Variants in CDK4 observed in about 807,000 individuals in gnomAD.
CDK4 encodes the protein cyclin dependent kinase 4, also known as cyclin-dependent kinase 4.
A neutral mutation model predicts 36.7 loss-of-function variants in CDK4; 13 were observed. That is an observed-to-expected ratio of 0.35 (90% CI 0.23 to 0.56). The LOEUF (loss-of-function observed/expected upper bound fraction) is 0.56, where lower values mean the gene tolerates loss of function less well. CDK4 is among the 20% of genes least tolerant of loss of function. The probability of loss-of-function intolerance (pLI) is 0.85; values close to 1 mark genes in which losing one functional copy is unlikely to be tolerated. For synonymous variants in CDK4, 158 were observed against 146.4 expected (o/e 1.08, Z -0.57); for missense variants, 285 against 387.3 (o/e 0.74, Z 2.22).
chr12:57,748,894 C>T (rs566822380), intron 7 of CDK4: 14 of 543,276 alleles, frequency 2.6e-5, no homozygotes, highest in South Asian at 1.6e-4. Context: ...TTAGTAGAGA[C>T]GAGGTTTCAC....
At position 57,749,508 on chromosome 12, in the gene CDK4, A is replaced by G. The variant is rs2140384002; in HGVS notation, c.633-4T>C. 6.2e-7 allele frequency: 1 copy of G among 1,614,002 alleles called. No individual in the cohort carries two copies. The highest frequency in any genetic ancestry group is 1.3e-5 in the African/African-American group (1 of 75,056). ...AGAGTTTCCACAGAAGAGAGGCCTA[A>G]GGTGAGAAGGGATATAAGGTAGCAG... On this transcript the variant is annotated splice_polypyrimidine_tract_variant and splice_region_variant and intron_variant, in intron 5 of 7. Transcript: ENST00000257904.
At position 57,752,262 on chromosome 12, in the gene CDK4, C is replaced by G. The variant is rs1326338083; in HGVS notation, c.-107G>C. 1 of 206,656 alleles carries G rather than the reference C, an allele frequency of 4.8e-6. No homozygotes were observed. Among genetic ancestry groups the G allele is most frequent in the Non-Finnish European group, 1.0e-5 (1 of 99,946 alleles). The allele number at this position is 206,656 out of a possible 1,614,324, so 12.8% of individuals were successfully genotyped here. On this transcript the variant is annotated 5_prime_UTR_variant, in exon 1 of 8. Coordinates refer to ENST00000257904, the MANE Select transcript of CDK4 (RefSeq NM_000075.4). ...CGGCCCCATACACCCGAGCTCGGTC[C>G]GGAGCAGCTGGACGCAGAGGGCCCG...
rs1034639609 is a variant in CDK4 at position 57,748,038 on chromosome 12, C to T, written c.*487G>A. 16 of 251,484 alleles carry T rather than the reference C, an allele frequency of 6.4e-5. No individual in the cohort carries two copies. The highest frequency in any genetic ancestry group is 1.0e-4 in the Non-Finnish European group (13 of 128,600). The allele number at this position is 251,484 out of a possible 1,614,324, so 15.6% of individuals were successfully genotyped here. ...ATTATAGGCGTGAGCCACCACGCCC[C>T]GCCTAAAATCCATATTCAAAGAAGC... On this transcript the variant is annotated 3_prime_UTR_variant, in exon 8 of 8. Transcript: ENST00000257904.
At chr12:57,750,809 A>G (rs1218174864) in intron 4 of CDK4, 44 bp from the exon 5 acceptor site, 1 of 1,596,368 alleles carries the variant, frequency 6.3e-7, no homozygotes. Flanking sequence ...ATGGGTTACC[A>G]TGAAACACAA....
chr12:57,751,191 T>G lies in CDK4; in HGVS notation c.354+16A>C. 1 of 1,614,162 alleles carries G rather than the reference T, an allele frequency of 6.2e-7. No homozygotes were observed. The highest frequency in any genetic ancestry group is 8.5e-7 in the Non-Finnish European group (1 of 1,180,018). On this transcript the variant is annotated intron_variant, in intron 3 of 7. Coordinates refer to ENST00000257904, the MANE Select transcript of CDK4 (RefSeq NM_000075.4). This position sits in a 1 kb window ranked among gnomAD's most constrained non-coding sequence, Gnocchi z 4.5. Reference sequence around the variant, plus strand: ...AGGTCCCAATCCACCTCTCAATGCCTACCAACCCCACTCACCTTGATCGTT... The same window carrying G: ...AGGTCCCAATCCACCTCTCAATGCCGACCAACCCCACTCACCTTGATCGTT...
Position 57,751,352 on chromosome 12 carries a change from G to A in CDK4, c.219-10C>T, listed in dbSNP as rs759302811. ...ACAGACGTCCATCAGCCTGACCAGA[G>A]TAAATGCTCACTTTTCAATCCCCTT... On this transcript the variant is annotated splice_polypyrimidine_tract_variant and intron_variant, in intron 2 of 7. Transcript: ENST00000257904. This position sits in a 1 kb window ranked among gnomAD's most constrained non-coding sequence, Gnocchi z 4.5. The A allele has an allele frequency of 6.2e-7, 1 of 1,614,008 alleles. No homozygotes were observed. The highest frequency in any genetic ancestry group is 8.5e-7 in the Non-Finnish European group (1 of 1,180,036).
At chr12:57,749,342 T>G (rs2140383298) in intron 6 of CDK4, 25 bp from the exon 7 acceptor site, 1 of 1,614,114 alleles carries the variant, frequency 6.2e-7, no homozygotes, top group Non-Finnish European at 8.5e-7. Context: ...AGAACTCTGG[T>G]CAGGAGGGTC....
At chr12:57,752,069 C>G in intron 1 of CDK4, 106 bp downstream of exon 1, 2 of 378,172 alleles carry the variant, frequency 5.3e-6, no homozygotes, top group South Asian at 4.5e-5. Flanking sequence ...GGCCCCACTT[C>G]CCGCCCTTGA....
chr12:57,749,127 T>A, intron 7 of CDK4, 55 bp downstream of exon 7: 1 of 1,610,850 alleles, frequency 6.2e-7, no homozygotes, highest in Non-Finnish European at 8.5e-7. Context: ...CATACTGCTC[T>A]ATTTCTTTCC....
chr12:57,749,498 G>A lies in CDK4; in HGVS notation c.639C>T (p.Leu213=), dbSNP rs2140383965. The change falls in exon 6 of 8, where the codon CTC becomes CTT. Residue 213 remains leucine, a synonymous_variant. Coordinates refer to ENST00000257904, the MANE Select transcript of CDK4 (RefSeq NM_000075.4). ...GGTCGGCTTCAGAGTTTCCACAGAA[G>A]AGAGGCCTAAGGTGAGAAGGGATAT... ...IFAEMFRRKP[L]FCGNSEADQL... is the part of the protein sequence containing the mutation. 1 of 1,614,148 alleles carries A rather than the reference G, an allele frequency of 6.2e-7. No homozygotes were observed. Among genetic ancestry groups the A allele is most frequent in the Non-Finnish European group, 8.5e-7 (1 of 1,179,976 alleles).
rs544179588 is a variant in CDK4, at chr12:57,750,019, T to C, written c.633-515A>G. 7.1e-4 allele frequency: 122 copies of C among 172,618 alleles called. 1 individual carries two copies. In the South Asian group the frequency reaches 0.015, roughly 21 times the overall value. The allele number at this position is 172,618 out of a possible 1,614,324, so 10.7% of individuals were successfully genotyped here. ...TAAAAAAAAAAAAAGCCAGTCATGGTGGCGTGCACCTGTAGTCTCAGCTAC... is the reference window on the plus strand; with the variant it reads ...TAAAAAAAAAAAAAGCCAGTCATGGCGGCGTGCACCTGTAGTCTCAGCTAC... On this transcript the variant is annotated intron_variant, in intron 5 of 7. Transcript: ENST00000257904.
chr12:57,749,138 C>G lies in CDK4; in HGVS notation c.819+44G>C, dbSNP rs767251242. ...CCTGCATACTGCTCTATTTCTTTCC[C>G]CAGTCTCTATTTCTTTCCCTGTGCC... On this transcript the variant is annotated intron_variant, in intron 7 of 7. Coordinates refer to ENST00000257904, the MANE Select transcript of CDK4 (RefSeq NM_000075.4). 10 of 1,613,172 alleles carry G rather than the reference C, an allele frequency of 6.2e-6. No individual in the cohort carries two copies. In the African/African-American group the frequency reaches 9.3e-5, roughly 15 times the overall value.
rs1401188606 is a variant in CDK4 at position 57,751,767 on chromosome 12, C to T, written c.-19-31G>A. The T allele has an allele frequency of 1.9e-6, 3 of 1,561,702 alleles. No homozygotes were observed. In the South Asian group the frequency reaches 3.4e-5, roughly 17 times the overall value. ...ATCACAGACTCCTATCACCAAAAGT[C>T]GCTTACAGAGTTAGGATGGTATGAG... On this transcript the variant is annotated intron_variant, in intron 1 of 7. Coordinates refer to ENST00000257904, the MANE Select transcript of CDK4 (RefSeq NM_000075.4). This position sits in a 1 kb window ranked among gnomAD's most constrained non-coding sequence, Gnocchi z 4.5.
chr12:57,750,483 C>T, intron 5 of CDK4, 173 bp downstream of exon 5: 2 of 660,038 alleles, frequency 3.0e-6, no homozygotes, highest in East Asian at 2.9e-5. Context: ...GGGAGGATCA[C>T]TTGAGCCCAG....
chr12:57,749,740 T>C, intron 5 of CDK4: 1 of 567,026 alleles, frequency 1.8e-6, no homozygotes, highest in Non-Finnish European at 3.1e-6. Context: ...GGCTCACGCC[T>C]GTAATCCTAG....
chr12:57,749,659 G>A (rs1248513097), intron 5 of CDK4, 155 bp from the exon 6 acceptor site: 4 of 748,992 alleles, frequency 5.3e-6, no homozygotes, highest in Non-Finnish European at 9.5e-6. Context: ...TTGAGCCCAG[G>A]AGTTCTAGAT....
Position 57,749,294 on chromosome 12 carries a change from T to C in CDK4, c.707A>G (p.Asp236Gly), listed in dbSNP as rs1403703683. ...IFDLIGLPPE[D>G]DWPRDVSLPR... ...CAGGGATACATCTCGAGGCCAGTCA[T>C]CCTCTGGAGGCAGCCCAATCAGGCT... Residue 236 changes from aspartate (D) to glycine (G), a missense_variant, in exon 7 of 8, where the codon GAT (aspartate) becomes GGT (glycine). Transcript: ENST00000257904. 1 of 1,614,160 alleles carries C rather than the reference T, an allele frequency of 6.2e-7. No individual in the cohort carries two copies. The highest frequency in any genetic ancestry group is 2.2e-5 in the East Asian group (1 of 44,890).
intron 1 of CDK4, 30 bp downstream of exon 1, chr12:57,752,144 GT>G (rs1260548191): frequency 3.1e-6 from 1 of 322,358 alleles, no homozygotes; most frequent in African/African-American, 2.2e-5. Context: ...GCGGGCACTG[GT>G]TCTCATTCCT....
chr12:57,748,730 G>A (rs1195589759), intron 7 of CDK4, 113 bp from the exon 8 acceptor site: 5 of 748,292 alleles, frequency 6.7e-6, no homozygotes, highest in African/African-American at 3.5e-5. Flanking sequence ...TTTTGAGACG[G>A]AGTCTCGCTC....
Sources: allele counts gnomAD v4.1 joint callset, GRCh38; gene constraint gnomAD v4.1.1; non-coding constraint Gnocchi (gnomAD v3.1); transcripts MANE v1.5; gene names NCBI Gene and HGNC (gene_info 2026-07-23, HGNC 2026-07-21).